The following P2RX4 variants were observed in gnomAD, a reference collection of about 807,000 sequenced individuals.
P2RX4 encodes P2X purinoceptor 4.
In P2RX4, 37 loss-of-function variants were observed where a neutral mutation model predicts 48.0. The ratio of observed to expected loss-of-function variants is 0.77; its 90% CI spans 0.59 to 1.01. P2RX4 has a LOEUF of 1.01. Ranked by LOEUF, P2RX4 falls within the 50% of genes least tolerant of loss-of-function variation. P2RX4 has a pLI of 0.00. For missense variants in P2RX4, 501 were observed against 521.4 expected (o/e 0.96, Z 0.38); for synonymous variants, 200 against 199.7 (o/e 1.00, Z -0.01).
chr12:121,212,822 A>C (rs28580843), intron 1 of P2RX4: 1 of 42,804 alleles, frequency 2.3e-5, no homozygotes, highest in African/African-American at 1.4e-4. Context: ...ATATATATAT[A>C]TATTTTTTTT....
Position 121,217,191 on chromosome 12 carries a change from T to TA in P2RX4, c.193dup (p.Thr65AsnfsTer14). Reference sequence around the variant, plus strand: ...AAACTGACTCCGTGGTCAGCTCCGTTACGACCAAGGTCAAGGGCGTGGCTG... The same window carrying TA: ...AAACTGACTCCGTGGTCAGCTCCGTTAACGACCAAGGTCAAGGGCGTGGCTG... On this transcript the variant is annotated frameshift_variant, in exon 2 of 12. Coordinates refer to ENST00000337233, the MANE Select transcript of P2RX4 (RefSeq NM_002560.3). LOFTEE classifies it high-confidence loss of function. The TA allele has an allele frequency of 6.2e-7, 1 of 1,614,196 alleles. No homozygotes were observed. Among genetic ancestry groups the TA allele is most frequent in the Non-Finnish European group, 8.5e-7 (1 of 1,180,012 alleles).
intron 5 of P2RX4, among the ~76,000 whole-genome samples, chr12:121,224,442 A>G (rs1157294179): frequency 6.6e-6 from 1 of 151,948 alleles, no homozygotes; most frequent in Non-Finnish European, 1.5e-5. Context: ...CGTCTCCACT[A>G]AAAATACAAA....
intron 4 of P2RX4, chr12:121,222,398 G>GCT (rs1886685747): frequency 4.5e-5 from 19 of 425,780 alleles, no homozygotes; most frequent in Non-Finnish European, 6.2e-5. Flanking sequence ...GTTTTTTCTT[G>GCT]TTTTTTTTTT....
In P2RX4 at chr12:121,223,036, G is replaced by A. The variant is rs778635181; in HGVS notation, c.517G>A (p.Val173Met). The A allele has an allele frequency of 6.9e-6, 11 of 1,599,278 alleles. No homozygotes were observed. The highest frequency in any genetic ancestry group is 1.6e-4 in the Middle Eastern group (1 of 6,062). Reference protein sequence around the residue: ...AWCPVEDDTHVPQPAFLKAAE... With the variant: ...AWCPVEDDTHMPQPAFLKAAE... ...GTGCCCGGTGGAGGATGACACACAC[G>A]TGCCACAGTGAGTCCAGCCCTAGGG... Residue 173 changes from valine to methionine, a missense_variant, in exon 5 of 12, where the codon GTG becomes ATG. Transcript: ENST00000337233.
In P2RX4 at chr12:121,232,436, C is replaced by T; in HGVS notation, c.907C>T (p.Leu303=). ...CAGGTTTGCCAAGTACTACAGAGAC[C>T]TGGCTGGCAACGAGCAGCGCACGCT... is the stretch of plus-strand genomic sequence containing the variant. ...NFRFAKYYRD[L]AGNEQRTLIK... The change falls in exon 9 of 12, where the codon CTG becomes TTG. Residue 303 remains leucine, a synonymous_variant. Coordinates refer to ENST00000337233, the MANE Select transcript of P2RX4 (RefSeq NM_002560.3). The surrounding 1 kb of genome is among the most constrained non-coding windows in gnomAD (Gnocchi z 4.3). 1 of 1,613,826 alleles carries T rather than the reference C, an allele frequency of 6.2e-7. No individual in the cohort carries two copies. The highest frequency in any genetic ancestry group is 8.5e-7 in the Non-Finnish European group (1 of 1,179,710).
At chr12:121,223,358 GAGCCACCACACCCAGCCAGA>G (rs893091589) in intron 5 of P2RX4, 16 of 362,114 alleles carry the variant, frequency 4.4e-5, no homozygotes, top group Non-Finnish European at 7.9e-5. Context: ...TTACAGGCGG[GAGCCACCACACCCAGCCAGA>G]AGCCACCACA....
chr12:121,212,816 A>ATTTTTTTTTTTTTTTT (rs1266371217), intron 1 of P2RX4: 1 of 32,758 alleles, frequency 3.1e-5, no homozygotes, highest in African/African-American at 1.4e-4. Flanking sequence ...ATATATATAT[A>ATTTTTTTTTTTTTTTT]TATATATATT....
intron 11 of P2RX4, 133 bp from the exon 12 acceptor site, chr12:121,233,390 C>A: frequency 1.1e-6 from 1 of 896,802 alleles, no homozygotes; most frequent in Non-Finnish European, 1.8e-6. Context: ...CCTTGCGGAA[C>A]AGGAAGGGTT....
At position 121,233,746 on chromosome 12, in the gene P2RX4, C is replaced by A; in HGVS notation, c.*197C>A. 1 of 1,352,090 alleles carries A rather than the reference C, an allele frequency of 7.4e-7. No homozygotes were observed. Among genetic ancestry groups the A allele is most frequent in the Non-Finnish European group, 9.9e-7 (1 of 1,009,132 alleles). The allele number at this position is 1,352,090 out of a possible 1,614,324, so 83.8% of individuals were successfully genotyped here. A position where few individuals can be genotyped will look rare whatever the true frequency, so the allele number is the denominator to read the frequency against. ...TTGCCCACTCGGCCCAGGAGGTCAGCAGTCTGTTCTTGGCTGGGTCAACTC... is the reference window on the plus strand; with the variant it reads ...TTGCCCACTCGGCCCAGGAGGTCAGAAGTCTGTTCTTGGCTGGGTCAACTC... On this transcript the variant is annotated 3_prime_UTR_variant, in exon 12 of 12. Transcript: ENST00000337233.
rs1408705425 is a variant in P2RX4 at position 121,232,979 on chromosome 12, A to G, written c.1045-18A>G. On this transcript the variant is annotated intron_variant, in intron 10 of 11. Transcript: ENST00000337233. This position sits in a 1 kb window ranked among gnomAD's most constrained non-coding sequence, Gnocchi z 4.3. ...GTTGCAAGCATCCTGGCTCACTCTCACCCTATGCTAAACTCAGGCGACCGT... is the reference window on the plus strand; with the variant it reads ...GTTGCAAGCATCCTGGCTCACTCTCGCCCTATGCTAAACTCAGGCGACCGT... 2 of 1,568,486 alleles carry G rather than the reference A, an allele frequency of 1.3e-6. No homozygotes were observed. The highest frequency in any genetic ancestry group is 2.7e-5 in the African/African-American group (2 of 74,004).
chr12:121,217,801 G>A (rs1265086604), intron 2 of P2RX4, among the ~76,000 whole-genome samples: 5 of 149,464 alleles, frequency 3.3e-5, no homozygotes, highest in African/African-American at 1.2e-4. Flanking sequence ...AAGAATTAGA[G>A]ACCATTAGAG....
chr12:121,222,198 C>T, intron 4 of P2RX4, 32 bp downstream of exon 4: 2 of 1,453,890 alleles, frequency 1.4e-6, no homozygotes, highest in Middle Eastern at 1.7e-4. Flanking sequence ...GGGAGGGCGG[C>T]CCCTGAGCAG....
At position 121,233,595 on chromosome 12, in the gene P2RX4, AGAG is replaced by A. The variant is rs775834079; in HGVS notation, c.*57_*59del. On this transcript the variant is annotated 3_prime_UTR_variant, in exon 12 of 12. Transcript: ENST00000337233. ...TCTCCACAGCCCCATCAAAGAACAG[AGAG>A]GAGGAGGAGGGAGAAATGGCCACCA... The A allele has an allele frequency of 8.1e-6, 13 of 1,596,032 alleles. No individual in the cohort carries two copies. Among genetic ancestry groups the A allele is most frequent in the Admixed American group, 3.5e-5 (2 of 57,390 alleles).
Position 121,232,583 on chromosome 12 carries a change from CTT to C in P2RX4, c.979-22_979-21del. On this transcript the variant is annotated intron_variant, in intron 9 of 11. Transcript: ENST00000337233. This position sits in a 1 kb window ranked among gnomAD's most constrained non-coding sequence, Gnocchi z 4.3. ...GCCTCTCCCTGCCCCTGCAGAAACACTTTTTTTCTTTTTCGGTGTCTTGGCAG... is the reference window on the plus strand; with the variant it reads ...GCCTCTCCCTGCCCCTGCAGAAACACTTTTTCTTTTTCGGTGTCTTGGCAG... 2.5e-6 allele frequency: 4 copies of C among 1,612,314 alleles called. No homozygotes were observed. The highest frequency in any genetic ancestry group is 3.4e-6 in the Non-Finnish European group (4 of 1,178,330).
At chr12:121,211,225 G>A (rs999900581) in intron 1 of P2RX4, among the ~76,000 whole-genome samples, 3 of 151,916 alleles carry the variant, frequency 2.0e-5, no homozygotes, top group Non-Finnish European at 2.9e-5. Flanking sequence ...TTTTTGAGAC[G>A]GAATTTCTCT....
Position 121,229,141 on chromosome 12 carries a change from G to T in P2RX4, c.884+42G>T. The T allele has an allele frequency of 1.2e-6, 2 of 1,612,882 alleles. No homozygotes were observed. The highest frequency in any genetic ancestry group is 1.7e-6 in the Non-Finnish European group (2 of 1,179,318). ...GCCCCTCGCTCATGTTGTAGGGGGT[G>T]CTGGTGGCTGCGTACGTGCCAGTGG... On this transcript the variant is annotated intron_variant, in intron 8 of 11. Transcript: ENST00000337233. The surrounding 1 kb of genome is among the most constrained non-coding windows in gnomAD (Gnocchi z 4.6).
At chr12:121,221,457 G>A (rs1364157839) in intron 2 of P2RX4, among the ~76,000 whole-genome samples, 1 of 147,926 alleles carries the variant, frequency 6.8e-6, no homozygotes, top group South Asian at 2.1e-4. Context: ...GCAGTGGCGC[G>A]ATGTCGGCTC....
At chr12:121,230,841 C>G (rs1330653909) in intron 8 of P2RX4, among the ~76,000 whole-genome samples, 1 of 152,086 alleles carries the variant, frequency 6.6e-6, no homozygotes, top group South Asian at 2.1e-4. Context: ...TATGTCTTGA[C>G]GGTTCTTCAC....
rs376666531 is a variant in P2RX4, at chr12:121,232,695, G to C, written c.1044+19G>C. 5.0e-6 allele frequency: 8 copies of C among 1,602,066 alleles called. No homozygotes were observed. The African/African-American group carries it at 1.1e-4, about 21-fold the overall frequency. On this transcript the variant is annotated intron_variant, in intron 10 of 11. Coordinates refer to ENST00000337233, the MANE Select transcript of P2RX4 (RefSeq NM_002560.3). The surrounding 1 kb of genome is among the most constrained non-coding windows in gnomAD (Gnocchi z 4.3). Reference sequence around the variant, plus strand: ...AGGCATGGTGAGTGGTTTAGGCCCTGCCTTCACCCTCACGGTGAGGTGAGA... The same window carrying C: ...AGGCATGGTGAGTGGTTTAGGCCCTCCCTTCACCCTCACGGTGAGGTGAGA...
Sources: gnomAD v4.1 joint callset for allele counts (sites outside exome capture counted in the v4.1 genomes callset) on GRCh38, gnomAD v4.1.1 for gene constraint, Gnocchi (gnomAD v3.1) non-coding constraint, MANE v1.5 for transcripts, NCBI Gene and HGNC (gene_info 2026-07-23, HGNC 2026-07-21) for gene names.